SGCZ: variants seen among roughly 807,000 people sequenced by gnomAD.
The protein encoded by SGCZ is sarcoglycan zeta.
A neutral mutation model predicts 41.3 loss-of-function variants in SGCZ; 40 were observed. The ratio of observed to expected loss-of-function variants is 0.97; its 90% CI spans 0.75 to 1.26. SGCZ has a LOEUF of 1.26. SGCZ is among the 50% of genes most tolerant of loss of function. The pLI, the probability that SGCZ is intolerant of heterozygous loss-of-function variation, is 0.00. For missense variants in SGCZ, 552 were observed against 369.8 expected (o/e 1.49, Z -4.04); for synonymous variants, 206 against 137.5 (o/e 1.50, Z -3.49).
At chr8:14,793,527 G>A (rs1470370694) in intron 1 of SGCZ, among the ~76,000 whole-genome samples, 1 of 152,186 alleles carries the variant, frequency 6.6e-6, no homozygotes, top group Admixed American at 6.6e-5. Flanking sequence ...AACTCAAAAG[G>A]TGGTAGATAG....
intron 1 of SGCZ, among the ~76,000 whole-genome samples, chr8:14,644,336 T>C (rs986048880): frequency 2.0e-5 from 3 of 151,720 alleles, no homozygotes; most frequent in African/African-American, 4.8e-5. Flanking sequence ...AAAGAAGAAA[T>C]TCTGGATCAA....
chr8:14,986,056 C>G (rs1801816168), intron 1 of SGCZ, among the ~76,000 whole-genome samples: 1 of 151,928 alleles, frequency 6.6e-6, no homozygotes, highest in Non-Finnish European at 1.5e-5. Context: ...TTATGCATTA[C>G]AGTAAATTAC....
rs1800012482 is a variant in SGCZ, at chr8:14,270,207, C to T, written c.337-32528G>A. 2.0e-5 allele frequency among the ~76,000 whole-genome samples: 3 copies of T among 151,988 alleles called. No individual in the cohort carries two copies. The South Asian group carries it at 6.2e-4, about 32-fold the overall frequency. Reference sequence around the variant, plus strand: ...ATTAGCTGGTTGTGGTGACCCATGTCTGTAATCCCAGCTACTAGGGAGGCT... The same window carrying T: ...ATTAGCTGGTTGTGGTGACCCATGTTTGTAATCCCAGCTACTAGGGAGGCT... On this transcript the variant is annotated intron_variant, in intron 3 of 7. Coordinates refer to ENST00000382080, the MANE Select transcript of SGCZ (RefSeq NM_139167.4).
intron 2 of SGCZ, among the ~76,000 whole-genome samples, chr8:14,327,872 C>T (rs1802178541): frequency 6.6e-6 from 1 of 152,122 alleles, no homozygotes. Flanking sequence ...CCTCCACCTC[C>T]CAGGTTCAAG....
intron 2 of SGCZ, among the ~76,000 whole-genome samples, chr8:14,482,646 T>C (rs1487404245): frequency 1.3e-5 from 2 of 152,120 alleles, no homozygotes; most frequent in Non-Finnish European, 2.9e-5. Context: ...GTGAGAATGT[T>C]TCTGGAAGAT....
intron 1 of SGCZ, among the ~76,000 whole-genome samples, chr8:14,946,005 CATATAT>C (rs34647526): frequency 0.089 from 1,304 of 14,720 alleles, 40 homozygotes; most frequent in Non-Finnish European, 0.11. Flanking sequence ...TAAATGTCCC[CATATAT>C]ATATATATAT....
intron 1 of SGCZ, among the ~76,000 whole-genome samples, chr8:14,860,043 G>A (rs1272342527): frequency 2.6e-5 from 4 of 152,008 alleles, no homozygotes; most frequent in Admixed American, 2.6e-4. Flanking sequence ...AGGAATCAGC[G>A]TTCCCAATCC....
intron 1 of SGCZ, among the ~76,000 whole-genome samples, chr8:14,890,758 G>A (rs1190334171): frequency 6.6e-6 from 1 of 152,150 alleles, no homozygotes; most frequent in South Asian, 2.1e-4. Flanking sequence ...TAGCCAAAGA[G>A]GAGAGTCAAT....
intron 2 of SGCZ, among the ~76,000 whole-genome samples, chr8:14,388,770 G>C (rs1804660866): frequency 1.3e-5 from 2 of 150,672 alleles, no homozygotes; most frequent in African/African-American, 4.9e-5. Context: ...CATGATGCAA[G>C]TTTACTATGT....
intron 1 of SGCZ, among the ~76,000 whole-genome samples, chr8:14,731,338 G>A (rs527491846): frequency 6.8e-6 from 1 of 146,290 alleles, no homozygotes; most frequent in Admixed American, 7.0e-5. Flanking sequence ...TGAACAATGA[G>A]AACATGTGGA....
intron 4 of SGCZ, among the ~76,000 whole-genome samples, chr8:14,212,147 G>A (rs62492299): frequency 0.24 from 36,195 of 151,980 alleles, 5,546 homozygotes; most frequent in Non-Finnish European, 0.34. Context: ...TCACATTGTA[G>A]TAAGGAGCAA....
intron 1 of SGCZ, among the ~76,000 whole-genome samples, chr8:14,761,859 AT>A: frequency 6.6e-6 from 1 of 152,166 alleles, no homozygotes; most frequent in Non-Finnish European, 1.5e-5. Context: ...TCTAATCTAG[AT>A]AAGTTTTGAA....
intron 1 of SGCZ, among the ~76,000 whole-genome samples, chr8:15,082,617 C>G (rs1805797330): frequency 6.6e-6 from 1 of 152,004 alleles, no homozygotes; most frequent in African/African-American, 2.4e-5. Context: ...TAAAAACGTC[C>G]AGTGCAGAGG....
intron 2 of SGCZ, among the ~76,000 whole-genome samples, chr8:14,489,216 C>A (rs1483151635): frequency 2.6e-5 from 4 of 151,844 alleles, no homozygotes. Context: ...TGGTTGCATT[C>A]AAAAATTAGA....
At position 14,176,331 on chromosome 8, in the gene SGCZ, C is replaced by T. The variant is rs376086892; in HGVS notation, c.425-11629G>A. On this transcript the variant is annotated intron_variant, in intron 4 of 7. Transcript: ENST00000382080. ...TACAAAACTTTTTATCTGGCCACAG[C>T]ATAATTAATTTTGAAATGAAAAACA... 3.9e-5 allele frequency among the ~76,000 whole-genome samples: 6 copies of T among 152,200 alleles called. No homozygotes were observed. The East Asian group carries it at 1.2e-3, about 29-fold the overall frequency.
intron 2 of SGCZ, among the ~76,000 whole-genome samples, chr8:14,411,014 C>G (rs745317971): frequency 6.6e-6 from 1 of 152,062 alleles, no homozygotes; most frequent in African/African-American, 2.4e-5. Flanking sequence ...TTCTTGTGCT[C>G]TTTGAAACAA....
chr8:15,003,219 G>A (rs1465581163), intron 1 of SGCZ, among the ~76,000 whole-genome samples: 1 of 152,208 alleles, frequency 6.6e-6, no homozygotes, highest in Admixed American at 6.5e-5. Flanking sequence ...AAAATGGAGA[G>A]CAGAGAGTTT....
chr8:14,300,888 C>T (rs1489237432), intron 3 of SGCZ, among the ~76,000 whole-genome samples: 1 of 151,806 alleles, frequency 6.6e-6, no homozygotes, highest in African/African-American at 2.4e-5. Context: ...TACCAGATGA[C>T]TTTTAAAGGT....
chr8:14,710,369 CAAAAA>C (rs770994264), intron 1 of SGCZ, among the ~76,000 whole-genome samples: 5,579 of 92,556 alleles, frequency 0.06, 353 homozygotes, highest in African/African-American at 0.19. Flanking sequence ...GACTCCGCAT[CAAAAA>C]AAAAAAAAAA....
Sources: gnomAD v4.1 joint callset for allele counts (sites outside exome capture counted in the v4.1 genomes callset) on GRCh38, gnomAD v4.1.1 for gene constraint, MANE v1.5 for transcripts, NCBI Gene and HGNC (gene_info 2026-07-23, HGNC 2026-07-21) for gene names.